DPYD: variants seen among roughly 807,000 people sequenced by gnomAD.
DPYD encodes dihydropyrimidine dehydrogenase [NADP(+)].
DPYD carries 109 observed loss-of-function variants against 116.2 expected under a neutral mutation model. That is an observed-to-expected ratio of 0.94 (90% confidence interval 0.80 to 1.10). DPYD has a LOEUF of 1.10. Among genes scored for constraint, DPYD ranks in the 50% least tolerant of loss-of-function variants. The pLI, the probability that DPYD is intolerant of heterozygous loss-of-function variation, is 0.00. For synonymous variants in DPYD, 440 were observed against 432.0 expected (o/e 1.02, Z -0.23); for missense variants, 1,302 against 1,254.5 (o/e 1.04, Z -0.57).
At chr1:97,318,856 A>G (rs1333346278) in intron 16 of DPYD, among the ~76,000 whole-genome samples, 1 of 150,342 alleles carries the variant, frequency 6.7e-6, no homozygotes, top group African/African-American at 2.5e-5. Context: ...GCAAATGTAA[A>G]AGAACAGAAA....
intron 19 of DPYD, among the ~76,000 whole-genome samples, chr1:97,213,157 C>T (rs569819169): frequency 6.6e-6 from 1 of 152,228 alleles, no homozygotes; most frequent in African/African-American, 2.4e-5. Flanking sequence ...AAACCTTTGA[C>T]TTACCAAAGG....
rs72726635 is a variant in DPYD, at chr1:97,209,744, A to G, written c.2443-16496T>C. Among the ~76,000 whole-genome samples, 1,114 of 152,284 alleles carry G rather than the reference A, an allele frequency of 7.3e-3. 10 individuals carry two copies. The highest frequency in any genetic ancestry group is 0.012 in the Non-Finnish European group (807 of 68,010). On this transcript the variant is annotated intron_variant, in intron 19 of 22. Transcript: ENST00000370192. Reference sequence around the variant, plus strand: ...GACAACTGAAATCCCATCATTTTCCACATGAGGAAATATGCTAAATATTAT... The same window carrying G: ...GACAACTGAAATCCCATCATTTTCCGCATGAGGAAATATGCTAAATATTAT...
intron 21 of DPYD, among the ~76,000 whole-genome samples, chr1:97,091,159 G>C (rs2101579016): frequency 6.6e-6 from 1 of 152,252 alleles, no homozygotes; most frequent in East Asian, 1.9e-4. Context: ...TGGGACACTG[G>C]GGTTCTTTCT....
At chr1:97,735,355 A>C (rs987588404) in intron 4 of DPYD, among the ~76,000 whole-genome samples, 9 of 152,060 alleles carry the variant, frequency 5.9e-5, no homozygotes, top group African/African-American at 2.2e-4. Flanking sequence ...AATTGACAGA[A>C]TATGAAAACG....
chr1:97,810,491 C>G (rs1269680879), intron 3 of DPYD, among the ~76,000 whole-genome samples: 1 of 151,992 alleles, frequency 6.6e-6, no homozygotes, highest in Non-Finnish European at 1.5e-5. Context: ...AAGAAACATT[C>G]TACTAATGTA....
At chr1:97,683,403 C>A (rs1291938305) in intron 7 of DPYD, among the ~76,000 whole-genome samples, 1 of 151,460 alleles carries the variant, frequency 6.6e-6, no homozygotes, top group Non-Finnish European at 1.5e-5. Flanking sequence ...AAAGGTAATA[C>A]CTCTATTAGA....
intron 14 of DPYD, among the ~76,000 whole-genome samples, chr1:97,440,727 C>A (rs1309231648): frequency 6.6e-6 from 1 of 152,078 alleles, no homozygotes; most frequent in Non-Finnish European, 1.5e-5. Context: ...TTTAAACAAC[C>A]TATTTTCTTC....
Position 97,430,768 on chromosome 1 carries a change from C to A in DPYD, c.1905+19291G>T, listed in dbSNP as rs368967568. Among the ~76,000 whole-genome samples the A allele has an allele frequency of 8.5e-5, 13 of 152,126 alleles. No individual in the cohort carries two copies. The East Asian group carries it at 1.4e-3, about 16-fold the overall frequency. On this transcript the variant is annotated intron_variant, in intron 14 of 22. Coordinates refer to ENST00000370192, the MANE Select transcript of DPYD (RefSeq NM_000110.4). ...TAATTACAAGATGCATGGATTCATGCATTAATAGAAGTATGATTATCCTTC... is the reference window on the plus strand; with the variant it reads ...TAATTACAAGATGCATGGATTCATGAATTAATAGAAGTATGATTATCCTTC...
Position 97,369,436 on chromosome 1 carries a change from T to C in DPYD, c.2058+4125A>G, listed in dbSNP as rs148972372. Among the ~76,000 whole-genome samples the C allele has an allele frequency of 3.4e-3, 525 of 152,296 alleles. 4 individuals are homozygous for C. The highest frequency in any genetic ancestry group is 0.012 in the African/African-American group (497 of 41,576). Reference sequence around the variant, plus strand: ...CAGTTAACAATACTGATACTTAACATTGATATTGCAATACCTACTTATTAG... The same window carrying C: ...CAGTTAACAATACTGATACTTAACACTGATATTGCAATACCTACTTATTAG... On this transcript the variant is annotated intron_variant, in intron 16 of 22. Transcript: ENST00000370192.
At chr1:97,177,244 A>C (rs985461998) in intron 20 of DPYD, among the ~76,000 whole-genome samples, 1 of 152,210 alleles carries the variant, frequency 6.6e-6, no homozygotes, top group African/African-American at 2.4e-5. Context: ...CTTGAAAGAA[A>C]TAATAGAGAA....
chr1:97,539,205 A>G (rs1650241243), intron 12 of DPYD, among the ~76,000 whole-genome samples: 1 of 152,162 alleles, frequency 6.6e-6, no homozygotes, highest in African/African-American at 2.4e-5. Context: ...ATTATTCTGT[A>G]CATAACTAAG....
At chr1:97,498,668 A>G (rs559268125) in intron 13 of DPYD, among the ~76,000 whole-genome samples, 178 of 151,850 alleles carry the variant, frequency 1.2e-3, no homozygotes, top group African/African-American at 3.8e-3. Context: ...TTATATATTG[A>G]CAAATTATAG....
chr1:97,619,283 A>G (rs1656491397), intron 8 of DPYD, among the ~76,000 whole-genome samples: 1 of 152,200 alleles, frequency 6.6e-6, no homozygotes, highest in African/African-American at 2.4e-5. Flanking sequence ...AACAATTTGT[A>G]CTAAATTATA....
At chr1:97,307,269 C>T (rs1204228244) in intron 16 of DPYD, among the ~76,000 whole-genome samples, 3 of 151,656 alleles carry the variant, frequency 2.0e-5, no homozygotes, top group African/African-American at 7.3e-5. Context: ...ATTATCTTAG[C>T]AAGTTAAAAT....
intron 4 of DPYD, among the ~76,000 whole-genome samples, chr1:97,735,549 G>A (rs1026977595): frequency 6.0e-5 from 9 of 150,356 alleles, no homozygotes; most frequent in East Asian, 3.9e-4. Context: ...TTAGCCGGGC[G>A]TGGTGGCGGG....
At chr1:97,096,846 G>A (rs1022372620) in intron 21 of DPYD, among the ~76,000 whole-genome samples, 7 of 152,030 alleles carry the variant, frequency 4.6e-5, no homozygotes, top group Admixed American at 3.9e-4. Context: ...TTGTTCTTTC[G>A]CTCTTCGGAA....
chr1:97,709,977 G>T (rs1662194431), intron 5 of DPYD, among the ~76,000 whole-genome samples: 1 of 151,766 alleles, frequency 6.6e-6, no homozygotes, highest in African/African-American at 2.4e-5. Flanking sequence ...ATCTCTACTA[G>T]TTGAAGGATG....
At chr1:97,884,817 T>A (rs923135131) in intron 1 of DPYD, among the ~76,000 whole-genome samples, 4 of 152,068 alleles carry the variant, frequency 2.6e-5, no homozygotes, top group Admixed American at 1.3e-4. Context: ...TGATATACAG[T>A]ACCAGGTAGG....
intron 13 of DPYD, among the ~76,000 whole-genome samples, chr1:97,508,664 A>T (rs1168575658): frequency 1.3e-5 from 2 of 151,954 alleles, no homozygotes; most frequent in African/African-American, 4.8e-5. Context: ...TTTTAGACAT[A>T]AAGTAATATG....
Sources: gnomAD v4.1 joint callset for allele counts (sites outside exome capture counted in the v4.1 genomes callset) on GRCh38, gnomAD v4.1.1 for gene constraint, MANE v1.5 for transcripts, NCBI Gene and HGNC (gene_info 2026-07-23, HGNC 2026-07-21) for gene names.